Variants in YLPM1 observed in about 807,000 individuals in gnomAD.
YLPM1 encodes the protein YLP motif containing 1.
A neutral mutation model predicts 230.0 loss-of-function variants in YLPM1; 99 were observed. The ratio of observed to expected loss-of-function variants is 0.43; its 90% CI spans 0.37 to 0.51. The LOEUF (loss-of-function observed/expected upper bound fraction) is 0.51, where lower values mean the gene tolerates loss of function less well. YLPM1 is among the 20% of genes least tolerant of loss of function. The pLI is 0.00. For missense variants in YLPM1, 2,592 were observed against 2,707.7 expected (o/e 0.96, Z 0.95); for synonymous variants, 984 against 942.5 (o/e 1.04, Z -0.81).
chr14:74,770,430 C>T (rs1472947873), intron 1 of YLPM1, among the ~76,000 whole-genome samples: 2 of 151,864 alleles, frequency 1.3e-5, no homozygotes, highest in Admixed American at 1.3e-4. Flanking sequence ...TCAAGACCAG[C>T]CTGGCCAACA....
At chr14:74,772,217 CT>C (rs543491337) in intron 1 of YLPM1, among the ~76,000 whole-genome samples, 21,021 of 138,636 alleles carry the variant, frequency 0.15, 1,556 homozygotes, top group South Asian at 0.3. Flanking sequence ...CAACATCTTT[CT>C]TTTTTTTTTT....
intron 18 of YLPM1, among the ~76,000 whole-genome samples, chr14:74,824,747 G>A (rs1312654730): frequency 6.6e-6 from 1 of 152,006 alleles, no homozygotes; most frequent in Admixed American, 6.6e-5. Context: ...TAATAAATGA[G>A]AGTTTCTGAG....
At position 74,763,792 on chromosome 14, in the gene YLPM1, G is replaced by A. The variant is rs1001780756; in HGVS notation, c.303G>A (p.Gln101=). 9 of 1,504,986 alleles carry A rather than the reference G, an allele frequency of 6.0e-6. No individual in the cohort carries two copies. Among genetic ancestry groups the A allele is most frequent in the Non-Finnish European group, 7.1e-6 (8 of 1,128,030 alleles). 93.2% of individuals were successfully genotyped at this position (1,504,986 alleles called of 1,614,324 possible). A position where few individuals can be genotyped will look rare whatever the true frequency, so the allele number is the denominator to read the frequency against. The change falls in exon 1 of 21, where the codon CAG becomes CAA. Residue 101 remains glutamine (Q), a synonymous_variant. Transcript: ENST00000325680. ...CGGGGGGCGGCTACGGAGACTGGCA[G>A]CCGCCACCGCCACCGATGCCCCCGC... The part of the protein sequence containing the change: ...VMPGGGYGDW[Q]PPPPPMPPPP...
chr14:74,794,599 C>T (rs1156352199), intron 4 of YLPM1, among the ~76,000 whole-genome samples: 3 of 149,666 alleles, frequency 2.0e-5, no homozygotes, highest in Non-Finnish European at 3.0e-5. Context: ...CACACAAAGT[C>T]TTTTTTTTTT....
rs1362194331 is a variant in YLPM1 at position 74,781,325 on chromosome 14, T to C, written c.1291-9T>C. On this transcript the variant is annotated splice_polypyrimidine_tract_variant and intron_variant, in intron 3 of 20. Transcript: ENST00000325680. ...TGGTTTTAAATAGTTTTTATCCCTT[T>C]ATTTGTAGACCATGTCTGTAGATAT... 6.6e-7 allele frequency: 1 copy of C among 1,525,930 alleles called. No homozygotes were observed. The highest frequency in any genetic ancestry group is 8.8e-7 in the Non-Finnish European group (1 of 1,137,996). The allele number at this position is 1,525,930 out of a possible 1,614,324, so 94.5% of individuals were successfully genotyped here.
At chr14:74,812,014 A>G (rs897977668) in intron 10 of YLPM1, among the ~76,000 whole-genome samples, 1 of 152,222 alleles carries the variant, frequency 6.6e-6, no homozygotes, top group Non-Finnish European at 1.5e-5. Context: ...CTTTACAGAC[A>G]TATTTATGAA....
intron 17 of YLPM1, chr14:74,821,954 AT>A (rs1319494014): frequency 2.6e-5 from 4 of 152,176 alleles, no homozygotes; most frequent in African/African-American, 9.7e-5. Context: ...GAGAACTCTG[AT>A]TCCTACCCCC....
At chr14:74,773,783 C>T (rs923472317) in intron 1 of YLPM1, among the ~76,000 whole-genome samples, 9 of 137,342 alleles carry the variant, frequency 6.6e-5, no homozygotes, top group East Asian at 2.2e-4. Flanking sequence ...TGCAATGGCA[C>T]GATCTCGGCT....
In YLPM1 at chr14:74,809,906, C is replaced by T; in HGVS notation, c.4940-4C>T. 1 of 1,605,678 alleles carries T rather than the reference C, an allele frequency of 6.2e-7. No individual in the cohort carries two copies. Among genetic ancestry groups the T allele is most frequent in the African/African-American group, 1.3e-5 (1 of 74,778 alleles). Reference sequence around the variant, plus strand: ...AGTACTTTATCTCTGATTTTGTTTACCAGATATATCCACTAATAAAGTTGA... The same window carrying T: ...AGTACTTTATCTCTGATTTTGTTTATCAGATATATCCACTAATAAAGTTGA... On this transcript the variant is annotated splice_region_variant and splice_polypyrimidine_tract_variant and intron_variant, in intron 7 of 20. Coordinates refer to ENST00000325680, the MANE Select transcript of YLPM1 (RefSeq NM_019589.3).
intron 6 of YLPM1, among the ~76,000 whole-genome samples, chr14:74,807,848 T>C (rs2091394405): frequency 6.6e-6 from 1 of 152,216 alleles, no homozygotes; most frequent in African/African-American, 2.4e-5. Context: ...TTTACTGTTT[T>C]TGTGGAGGAG....
At chr14:74,800,745 A>G (rs2091316513) in intron 5 of YLPM1, among the ~76,000 whole-genome samples, 2 of 152,230 alleles carry the variant, frequency 1.3e-5, no homozygotes, top group Admixed American at 1.3e-4. Context: ...CAGATTACTC[A>G]TGAAGAAAAT....
Position 74,763,606 on chromosome 14 carries a change from G to T in YLPM1, c.117G>T (p.Ser39=). 1 of 1,591,060 alleles carries T rather than the reference G, an allele frequency of 6.3e-7. No individual in the cohort carries two copies. The highest frequency in any genetic ancestry group is 8.6e-7 in the Non-Finnish European group (1 of 1,167,904). The change falls in exon 1 of 21, where the codon TCG becomes TCT. Residue 39 remains serine (S), a synonymous_variant. Transcript: ENST00000325680. ...EASPGPGYSS[S]TTPAAPSSSG... ...CGCCGGGGCCCGGGTACTCGAGCTC[G>T]ACGACTCCCGCGGCCCCCTCCTCCT...
chr14:74,811,016 G>A (rs1010208679), intron 9 of YLPM1, among the ~76,000 whole-genome samples: 1 of 151,744 alleles, frequency 6.6e-6, no homozygotes, highest in African/African-American at 2.4e-5. Context: ...TGATGACGAT[G>A]TGGTTTCACC....
chr14:74,798,527 G>A lies in YLPM1; in HGVS notation c.3230G>A (p.Gly1077Asp). Residue 1077 changes from glycine to aspartate, a missense_variant, in exon 5 of 21, where the codon GGT becomes GAT. By Grantham distance (94) the Gly-to-Asp change is moderately conservative (BLOSUM62 -1). Transcript: ENST00000325680. ...CGAGAGAAGATGAACAGAGGAGAAGGTAGCCGGGACAGAGGGTTGGTGAGG... is the reference window on the plus strand; with the variant it reads ...CGAGAGAAGATGAACAGAGGAGAAGATAGCCGGGACAGAGGGTTGGTGAGG... ...DSREKMNRGE[G>D]SRDRGLVRPG... is the part of the protein sequence containing the mutation. The A allele has an allele frequency of 1.9e-6, 3 of 1,613,988 alleles. No homozygotes were observed. The highest frequency in any genetic ancestry group is 1.1e-5 in the South Asian group (1 of 91,084).
At chr14:74,802,455 G>A (rs2091337146) in intron 5 of YLPM1, 101 bp from the exon 6 acceptor site, 2 of 1,400,480 alleles carry the variant, frequency 1.4e-6, no homozygotes, top group Non-Finnish European at 1.9e-6. Context: ...TTTAGGACAA[G>A]GATTTTTTAG....
chr14:74,812,039 A>C (rs2091439254), intron 10 of YLPM1, among the ~76,000 whole-genome samples: 1 of 152,190 alleles, frequency 6.6e-6, no homozygotes, highest in African/African-American at 2.4e-5. Context: ...TAATCAAAGT[A>C]TAATAATACA....
rs1234017824 is a variant in YLPM1, at chr14:74,763,431, T to C, written c.-59T>C. ...CTGTCGCCGTCGCCGCCGCGGCTCC[T>C]GGAGGTCGGTTGCGACGAGTAACGG... On this transcript the variant is annotated 5_prime_UTR_variant, in exon 1 of 21. Transcript: ENST00000325680. 4.4e-6 allele frequency: 6 copies of C among 1,368,306 alleles called. No homozygotes were observed. Among genetic ancestry groups the C allele is most frequent in the East Asian group, 2.8e-5 (1 of 35,958 alleles). 84.8% of individuals were successfully genotyped at this position (1,368,306 alleles called of 1,614,324 possible).
Position 74,763,556 on chromosome 14 carries a change from C to T in YLPM1, c.67C>T (p.Pro23Ser), listed in dbSNP as rs1298277371. ...HYPPPPVPPPPPVALPEASPG... is the reference protein window; with the variant it reads ...HYPPPPVPPPSPVALPEASPG... ...TCCGCCGCCACCGGTCCCACCGCCG[C>T]CGCCAGTGGCGCTTCCTGAGGCCTC... Residue 23 changes from proline to serine, a missense_variant, in exon 1 of 21, where the codon CCG (proline) becomes TCG (serine). Pro to Ser is a moderately conservative substitution (Grantham distance 74, BLOSUM62 -1). This residue lies in a region of YLPM1 where 1,862 missense variants were observed against 1,819.8 expected (regional missense o/e 1.02). Transcript: ENST00000325680. 1 of 1,554,636 alleles carries T rather than the reference C, an allele frequency of 6.4e-7. No homozygotes were observed. The highest frequency in any genetic ancestry group is 8.7e-7 in the Non-Finnish European group (1 of 1,149,294).
At chr14:74,824,379 G>A in intron 18 of YLPM1, 72 bp downstream of exon 18, 1 of 1,491,486 alleles carries the variant, frequency 6.7e-7, no homozygotes, top group Non-Finnish European at 9.2e-7. Context: ...TCTGCTATAA[G>A]AGGAACAAAT....
Sources: allele counts gnomAD v4.1 joint callset (sites outside exome capture counted in the v4.1 genomes callset), GRCh38; gene constraint gnomAD v4.1.1; regional missense constraint gnomAD v4.1.1; transcripts MANE v1.5; gene names NCBI Gene and HGNC (gene_info 2026-07-23, HGNC 2026-07-21).